The following GRIN2A variants were observed in gnomAD, a reference collection of about 807,000 sequenced individuals.
GRIN2A encodes the protein glutamate receptor ionotropic, NMDA 2A.
GRIN2A carries 22 observed loss-of-function variants against 113.4 expected under a neutral mutation model. That is an observed-to-expected ratio of 0.19 (90% confidence interval 0.14 to 0.28). The LOEUF (loss-of-function observed/expected upper bound fraction) is 0.28. Among genes scored for constraint, GRIN2A ranks in the 10% least tolerant of loss-of-function variants. The pLI is 1.00. For missense variants in GRIN2A, 1,502 were observed against 1,887.0 expected (o/e 0.80, Z 3.78); for synonymous variants, 827 against 738.4 (o/e 1.12, Z -1.94).
chr16:10,138,366 C>G (rs2049247168), intron 2 of GRIN2A, among the ~76,000 whole-genome samples: 1 of 152,144 alleles, frequency 6.6e-6, no homozygotes, highest in African/African-American at 2.4e-5. Flanking sequence ...CTTGGCATGG[C>G]TGGGGAAGGA....
intron 4 of GRIN2A, among the ~76,000 whole-genome samples, chr16:9,872,507 A>AT (rs1488146822): frequency 3.3e-5 from 5 of 152,144 alleles, no homozygotes; most frequent in Non-Finnish European, 7.3e-5. Flanking sequence ...TCCCATCTGT[A>AT]TTTTTTGAAT....
chr16:9,763,886 T>G lies in GRIN2A; in HGVS notation c.3658A>C (p.Asn1220His). The G allele has an allele frequency of 6.2e-7, 1 of 1,614,092 alleles. No individual in the cohort carries two copies. Among genetic ancestry groups the G allele is most frequent in the Non-Finnish European group, 8.5e-7 (1 of 1,180,006 alleles). The change falls in exon 13 of 13, where the codon AAC (asparagine) becomes CAC (histidine). Residue 1220 changes from asparagine to histidine, a missense_variant. By Grantham distance (68) the Asn-to-His change is moderately conservative. Coordinates refer to ENST00000330684, the MANE Select transcript of GRIN2A (RefSeq NM_001134407.3). ...NSTHCRSCLS[N>H]MPTYSGHFTM... Reference sequence around the variant, plus strand: ...AAGTGGCCTGAATAGGTGGGCATGTTGGAAAGGCAGCTTCTGCAGTGCGTG... The same window carrying G: ...AAGTGGCCTGAATAGGTGGGCATGTGGGAAAGGCAGCTTCTGCAGTGCGTG...
At chr16:9,987,616 G>C (rs905027201) in intron 2 of GRIN2A, among the ~76,000 whole-genome samples, 1 of 152,158 alleles carries the variant, frequency 6.6e-6, no homozygotes, top group Admixed American at 6.5e-5. Context: ...GACCCCAATA[G>C]AAGAAAATTA....
chr16:9,987,079 A>G (rs1395278028), intron 2 of GRIN2A, among the ~76,000 whole-genome samples: 2 of 152,186 alleles, frequency 1.3e-5, no homozygotes, highest in Admixed American at 1.3e-4. Flanking sequence ...GACTCCAGTA[A>G]GAGACATTGT....
chr16:9,846,610 T>C (rs1250702889), intron 5 of GRIN2A, among the ~76,000 whole-genome samples: 1 of 152,080 alleles, frequency 6.6e-6, no homozygotes, highest in African/African-American at 2.4e-5. Flanking sequence ...GTGCAAATAT[T>C]AATAAGTCAC....
chr16:9,950,064 G>A (rs370836787), intron 2 of GRIN2A, among the ~76,000 whole-genome samples: 2 of 152,176 alleles, frequency 1.3e-5, no homozygotes, highest in Non-Finnish European at 2.9e-5. Flanking sequence ...ATTCTTCACT[G>A]TCTGAACCCT....
chr16:9,860,385 T>C (rs904309591), intron 4 of GRIN2A, among the ~76,000 whole-genome samples: 1 of 138,466 alleles, frequency 7.2e-6, no homozygotes, highest in Admixed American at 8.0e-5. Flanking sequence ...GAGGCGGAGG[T>C]TGCAGTGAGC....
chr16:10,133,454 A>C (rs1213030551), intron 2 of GRIN2A, among the ~76,000 whole-genome samples: 1 of 152,186 alleles, frequency 6.6e-6, no homozygotes, highest in Non-Finnish European at 1.5e-5. Flanking sequence ...TAAAAATACA[A>C]AAATTAGCCA....
intron 2 of GRIN2A, among the ~76,000 whole-genome samples, chr16:10,081,015 G>A (rs1276246455): frequency 6.6e-6 from 1 of 152,110 alleles, no homozygotes; most frequent in African/African-American, 2.4e-5. Context: ...AGTTGTACCT[G>A]AGGGCAGAAT....
rs997266409 is a variant in GRIN2A at position 10,042,818 on chromosome 16, G to A, written c.415-104267C>T. Reference sequence around the variant, plus strand: ...CATAGGAAGATAAAATCTCTCTTCTGCCACATTTGTGTCTGTATGCAATGC... The same window carrying A: ...CATAGGAAGATAAAATCTCTCTTCTACCACATTTGTGTCTGTATGCAATGC... On this transcript the variant is annotated intron_variant, in intron 2 of 12. Coordinates refer to ENST00000330684, the MANE Select transcript of GRIN2A (RefSeq NM_001134407.3). Among the ~76,000 whole-genome samples the A allele has an allele frequency of 1.4e-4, 22 of 152,248 alleles. No homozygotes were observed. In the East Asian group the frequency reaches 2.9e-3, roughly 20 times the overall value.
At chr16:9,803,592 A>C (rs1026211299) in intron 10 of GRIN2A, among the ~76,000 whole-genome samples, 1 of 152,236 alleles carries the variant, frequency 6.6e-6, no homozygotes, top group African/African-American at 2.4e-5. Flanking sequence ...GGGCTCACCA[A>C]TTTTATGGAT....
chr16:10,100,097 G>A (rs1449739494), intron 2 of GRIN2A, among the ~76,000 whole-genome samples: 1 of 152,358 alleles, frequency 6.6e-6, no homozygotes, highest in East Asian at 1.9e-4. Context: ...GGGGGGACAT[G>A]AGGGCAACTG....
At chr16:10,123,778 T>C (rs2048876427) in intron 2 of GRIN2A, among the ~76,000 whole-genome samples, 1 of 152,172 alleles carries the variant, frequency 6.6e-6, no homozygotes. Flanking sequence ...GCTTTCAAAC[T>C]CTGTAATCAG....
intron 2 of GRIN2A, among the ~76,000 whole-genome samples, chr16:10,162,740 T>C (rs1476809723): frequency 6.6e-6 from 1 of 152,242 alleles, no homozygotes; most frequent in Admixed American, 6.5e-5. Flanking sequence ...GGACCCAATA[T>C]ATGACTTTTA....
intron 3 of GRIN2A, among the ~76,000 whole-genome samples, chr16:9,919,665 A>G (rs772436740): frequency 2.0e-5 from 3 of 152,220 alleles, no homozygotes; most frequent in Non-Finnish European, 4.4e-5. Context: ...AGGTCACTGC[A>G]GTACCTTACT....
intron 2 of GRIN2A, among the ~76,000 whole-genome samples, chr16:10,004,180 G>T (rs1243259958): frequency 6.6e-6 from 1 of 152,058 alleles, no homozygotes; most frequent in Non-Finnish European, 1.5e-5. Flanking sequence ...CACGAAGTCA[G>T]GAGTTTGAGA....
At chr16:9,977,553 G>T (rs1008774854) in intron 2 of GRIN2A, among the ~76,000 whole-genome samples, 1 of 152,204 alleles carries the variant, frequency 6.6e-6, no homozygotes, top group Admixed American at 6.5e-5. Context: ...CACGCTAGGT[G>T]CTCTGTATAC....
At chr16:9,976,221 T>A (rs1444952136) in intron 2 of GRIN2A, among the ~76,000 whole-genome samples, 1 of 152,186 alleles carries the variant, frequency 6.6e-6, no homozygotes, top group Non-Finnish European at 1.5e-5. Flanking sequence ...AACCATATCA[T>A]TAAATCCTGG....
intron 8 of GRIN2A, among the ~76,000 whole-genome samples, chr16:9,832,950 T>G (rs1340047005): frequency 6.6e-6 from 1 of 152,214 alleles, no homozygotes; most frequent in African/African-American, 2.4e-5. Context: ...TGTTGAGTAT[T>G]TCCAATATTA....
Sources: allele counts gnomAD v4.1 joint callset (sites outside exome capture counted in the v4.1 genomes callset), GRCh38; gene constraint gnomAD v4.1.1; transcripts MANE v1.5; gene names NCBI Gene and HGNC (gene_info 2026-07-23, HGNC 2026-07-21).